SULF2: variants seen among roughly 807,000 people sequenced by gnomAD.
SULF2 encodes the protein extracellular sulfatase Sulf-2.
In SULF2, 52 loss-of-function variants were observed where a neutral mutation model predicts 107.7. The ratio of observed to expected loss-of-function variants is 0.48; its 90% CI spans 0.39 to 0.61. The LOEUF is 0.61. SULF2 is among the 20% of genes least tolerant of loss of function. The probability of loss-of-function intolerance (pLI) is 0.00; values close to 1 mark genes in which losing one functional copy is unlikely to be tolerated. For missense variants in SULF2, 993 were observed against 1,177.3 expected (o/e 0.84, Z 2.29); for synonymous variants, 460 against 464.3 (o/e 0.99, Z 0.12).
intron 2 of SULF2, among the ~76,000 whole-genome samples, chr20:47,754,110 T>C (rs2090223643): frequency 6.6e-6 from 1 of 152,158 alleles, no homozygotes. Context: ...AAATTGAATA[T>C]ACGTGGTACA....
intron 2 of SULF2, among the ~76,000 whole-genome samples, chr20:47,737,755 GTTTTTT>G (rs11484375): frequency 2.6e-4 from 16 of 61,834 alleles, no homozygotes; most frequent in African/African-American, 5.6e-4. Flanking sequence ...TCTTTTCTTT[GTTTTTT>G]TTTTTTTTTT....
chr20:47,661,110 C>T (rs530332960), intron 18 of SULF2, among the ~76,000 whole-genome samples: 10 of 152,214 alleles, frequency 6.6e-5, no homozygotes, highest in Non-Finnish European at 1.2e-4. Flanking sequence ...TAAACTCTAC[C>T]GTGGCCTAGG....
rs1224331666 is a variant in SULF2 at position 47,785,451 on chromosome 20, TGCCGCC to T, written c.-215_-210del. The T allele has an allele frequency of 9.3e-4, 137 of 147,638 alleles. No individual in the cohort carries two copies. Among genetic ancestry groups the T allele is most frequent in the Non-Finnish European group, 1.3e-3 (97 of 73,398 alleles). 9.1% of individuals were successfully genotyped at this position (147,638 alleles called of 1,614,324 possible). A position where few individuals can be genotyped will look rare whatever the true frequency, so the allele number is the denominator to read the frequency against. On this transcript the variant is annotated 5_prime_UTR_variant, in exon 1 of 21. Transcript: ENST00000688720. ...GGGGACTCCGCGCCGCCGCTGCCGC[TGCCGCC>T]GCCGCCGCCGCCGCTGCCGCTGCTG...
chr20:47,668,023 TCTC>T (rs1425067987), intron 11 of SULF2, among the ~76,000 whole-genome samples: 1 of 152,178 alleles, frequency 6.6e-6, no homozygotes, highest in African/African-American at 2.4e-5. Context: ...AGGGCAGCCT[TCTC>T]CTGGGCACTT....
intron 3 of SULF2, among the ~76,000 whole-genome samples, chr20:47,713,929 G>A (rs1341492333): frequency 1.3e-5 from 2 of 152,072 alleles, no homozygotes; most frequent in African/African-American, 2.4e-5. Flanking sequence ...AGGCCCCTCC[G>A]AGACTCCAGT....
At chr20:47,717,746 G>T (rs2089167588) in intron 3 of SULF2, among the ~76,000 whole-genome samples, 2 of 152,122 alleles carry the variant, frequency 1.3e-5, no homozygotes, top group African/African-American at 2.4e-5. Context: ...CATAGGTGGG[G>T]GACACAGGTA....
intron 2 of SULF2, among the ~76,000 whole-genome samples, chr20:47,741,930 T>C (rs1299332187): frequency 6.6e-6 from 1 of 152,188 alleles, no homozygotes; most frequent in Non-Finnish European, 1.5e-5. Flanking sequence ...TGGGCTCAGA[T>C]CCAGGGTCTC....
At chr20:47,773,726 T>A (rs1457401289) in intron 1 of SULF2, among the ~76,000 whole-genome samples, 1 of 152,270 alleles carries the variant, frequency 6.6e-6, no homozygotes, top group East Asian at 1.9e-4. Flanking sequence ...AAGTCCGACT[T>A]GAACAGAGTC....
intron 2 of SULF2, among the ~76,000 whole-genome samples, chr20:47,748,325 C>T (rs2090090448): frequency 6.6e-6 from 1 of 152,196 alleles, no homozygotes; most frequent in Non-Finnish European, 1.5e-5. Flanking sequence ...ACATGAATGT[C>T]TCCTCATGAC....
At chr20:47,704,394 TC>T (rs1454133841) in intron 3 of SULF2, among the ~76,000 whole-genome samples, 1 of 151,960 alleles carries the variant, frequency 6.6e-6, no homozygotes, top group Admixed American at 6.6e-5. Context: ...CACCTCATCC[TC>T]CCGAGTAGCT....
intron 1 of SULF2, among the ~76,000 whole-genome samples, chr20:47,784,665 G>T (rs924830114): frequency 2.0e-5 from 3 of 152,202 alleles, no homozygotes; most frequent in Non-Finnish European, 4.4e-5. Flanking sequence ...GCACGAGGGG[G>T]TGCTCCAGAA....
At chr20:47,779,502 C>T (rs1290094123) in intron 1 of SULF2, among the ~76,000 whole-genome samples, 3 of 152,224 alleles carry the variant, frequency 2.0e-5, no homozygotes, top group South Asian at 4.1e-4. Flanking sequence ...CCGGTGATAC[C>T]ACTTCCATCT....
chr20:47,724,398 T>C (rs921622103), intron 3 of SULF2, among the ~76,000 whole-genome samples: 4 of 152,172 alleles, frequency 2.6e-5, no homozygotes, highest in African/African-American at 9.7e-5. Flanking sequence ...TGAGGAAGAC[T>C]GGGCTGCGGG....
At chr20:47,684,114 C>T (rs535369510) in intron 6 of SULF2, among the ~76,000 whole-genome samples, 2 of 152,262 alleles carry the variant, frequency 1.3e-5, no homozygotes, top group South Asian at 4.1e-4. Context: ...GAATTGCACA[C>T]TTTAATTGGG....
intron 11 of SULF2, among the ~76,000 whole-genome samples, chr20:47,667,877 C>T (rs2087330048): frequency 6.6e-6 from 1 of 152,168 alleles, no homozygotes; most frequent in South Asian, 2.1e-4. Context: ...GGCCCGGGTG[C>T]CACCCCCACT....
chr20:47,723,870 C>T (rs756162211), intron 3 of SULF2, among the ~76,000 whole-genome samples: 4 of 152,122 alleles, frequency 2.6e-5, no homozygotes, highest in East Asian at 1.9e-4. Context: ...AAATGAAATG[C>T]GCTTGAATCA....
chr20:47,675,979 C>T (rs56945776), intron 10 of SULF2, among the ~76,000 whole-genome samples: 35,739 of 152,078 alleles, frequency 0.24, 4,308 homozygotes, highest in Admixed American at 0.25. Context: ...GCCATCCTCC[C>T]GCCTCAGCTC....
At position 47,659,413 on chromosome 20, in the gene SULF2, A is replaced by C. The variant is rs200805827; in HGVS notation, c.2568T>G (p.Pro856=). ...CCTCAACTCACAGTGATTTGGAAGAAGGTCTCTTCATTTCTGGCCACTTTC... is the reference window on the plus strand; with the variant it reads ...CCTCAACTCACAGTGATTTGGAAGACGGTCTCTTCATTTCTGGCCACTTTC... ...QRRKWPEMKR[P]SSKSLGQLWE... The change falls in exon 20 of 21, where the codon CCT becomes CCG. Residue 856 remains proline (P), a synonymous_variant. Coordinates refer to ENST00000688720, the MANE Select transcript of SULF2 (RefSeq NM_001387048.1). The C allele has an allele frequency of 1.3e-5, 21 of 1,614,188 alleles. No individual in the cohort carries two copies. The East Asian group carries it at 4.2e-4, about 33-fold the overall frequency.
chr20:47,730,830 T>A (rs1370565506), intron 3 of SULF2, among the ~76,000 whole-genome samples: 2 of 152,230 alleles, frequency 1.3e-5, no homozygotes, highest in African/African-American at 2.4e-5. Flanking sequence ...ATGCTTTTCC[T>A]TATTCTTTCC....
Sources: gnomAD v4.1 joint callset for allele counts (sites outside exome capture counted in the v4.1 genomes callset) on GRCh38, gnomAD v4.1.1 for gene constraint, MANE v1.5 for transcripts, NCBI Gene and HGNC (gene_info 2026-07-23, HGNC 2026-07-21) for gene names.